SLC25A21: variants seen among roughly 807,000 people sequenced by gnomAD.
The protein encoded by SLC25A21 is mitochondrial 2-oxodicarboxylate carrier.
A neutral mutation model predicts 43.8 loss-of-function variants in SLC25A21; 47 were observed. The observed-to-expected ratio is 1.07, with a 90% CI of 0.85 to 1.37. The LOEUF (loss-of-function observed/expected upper bound fraction) is 1.37, where lower values mean the gene tolerates loss of function less well. SLC25A21 is among the 40% of genes most tolerant of loss of function. The probability of loss-of-function intolerance (pLI) is 0.00; values close to 1 mark genes in which losing one functional copy is unlikely to be tolerated. For missense variants in SLC25A21, 352 were observed against 350.2 expected (o/e 1.00, Z -0.04); for synonymous variants, 131 against 121.3 (o/e 1.08, Z -0.52).
At chr14:36,753,225 T>C (rs965144083) in intron 3 of SLC25A21, among the ~76,000 whole-genome samples, 6 of 152,194 alleles carry the variant, frequency 3.9e-5, no homozygotes, top group Non-Finnish European at 8.8e-5. Flanking sequence ...GCAAATTTTA[T>C]GTTATGTGTA....
At chr14:36,752,112 A>G (rs960558925) in intron 3 of SLC25A21, among the ~76,000 whole-genome samples, 3 of 152,236 alleles carry the variant, frequency 2.0e-5, no homozygotes, top group African/African-American at 7.2e-5. Flanking sequence ...CAGGCAGAAA[A>G]CACATGAATG....
chr14:36,939,042 T>C (rs1333592276), intron 1 of SLC25A21, among the ~76,000 whole-genome samples: 1 of 152,178 alleles, frequency 6.6e-6, no homozygotes, highest in Non-Finnish European at 1.5e-5. Context: ...TTGCTTAAAT[T>C]ATAAATCTGT....
chr14:37,070,564 A>G (rs898641291), intron 1 of SLC25A21, among the ~76,000 whole-genome samples: 1 of 152,162 alleles, frequency 6.6e-6, no homozygotes, highest in Non-Finnish European at 1.5e-5. Flanking sequence ...GAAAAAATAT[A>G]TTTAATGATT....
At chr14:37,063,091 T>C (rs989941785) in intron 1 of SLC25A21, among the ~76,000 whole-genome samples, 2 of 152,116 alleles carry the variant, frequency 1.3e-5, no homozygotes, top group Admixed American at 1.3e-4. Context: ...CCATCGTATC[T>C]CATGAGAACT....
At chr14:37,056,362 C>T (rs551159278) in intron 1 of SLC25A21, among the ~76,000 whole-genome samples, 8 of 151,800 alleles carry the variant, frequency 5.3e-5, no homozygotes, top group South Asian at 4.2e-4. Context: ...AGGTGGCGGG[C>T]GCCTGTAGTC....
At chr14:36,898,485 G>T (rs1479673266) in intron 1 of SLC25A21, among the ~76,000 whole-genome samples, 4 of 152,292 alleles carry the variant, frequency 2.6e-5, no homozygotes, top group Non-Finnish European at 5.9e-5. Context: ...TGCTTCCTGG[G>T]TGAGGTGATG....
intron 1 of SLC25A21, among the ~76,000 whole-genome samples, chr14:37,106,562 A>C (rs982038228): frequency 6.6e-6 from 1 of 152,128 alleles, no homozygotes; most frequent in African/African-American, 2.4e-5. Flanking sequence ...GTTGTTTAAG[A>C]TGTTTATCAA....
At chr14:37,129,600 G>A (rs945011420) in intron 1 of SLC25A21, among the ~76,000 whole-genome samples, 4 of 151,286 alleles carry the variant, frequency 2.6e-5, no homozygotes, top group South Asian at 2.1e-4. Context: ...GTGAACTGCC[G>A]CAGGTCCAAT....
At chr14:36,942,717 G>T (rs1015010683) in intron 1 of SLC25A21, among the ~76,000 whole-genome samples, 13 of 152,084 alleles carry the variant, frequency 8.5e-5, no homozygotes, top group African/African-American at 3.1e-4. Flanking sequence ...TGCCAAAGCT[G>T]GTCACACTAG....
At chr14:36,871,557 C>G (rs1347770061) in intron 2 of SLC25A21, among the ~76,000 whole-genome samples, 1 of 152,150 alleles carries the variant, frequency 6.6e-6, no homozygotes, top group African/African-American at 2.4e-5. Context: ...TTAATTGACA[C>G]AAGGCTTGGA....
chr14:36,914,655 A>G (rs1432524128), intron 1 of SLC25A21, among the ~76,000 whole-genome samples: 2 of 152,192 alleles, frequency 1.3e-5, no homozygotes, highest in African/African-American at 2.4e-5. Flanking sequence ...AGAGAAAAAA[A>G]GGAAACACCT....
intron 2 of SLC25A21, among the ~76,000 whole-genome samples, chr14:36,867,378 T>C (rs1023287944): frequency 3.3e-5 from 5 of 152,204 alleles, no homozygotes; most frequent in African/African-American, 7.2e-5. Flanking sequence ...TATAGAACTA[T>C]TGAGGTAATT....
intron 7 of SLC25A21, among the ~76,000 whole-genome samples, chr14:36,696,610 T>C (rs1485206103): frequency 6.6e-6 from 1 of 152,240 alleles, no homozygotes; most frequent in East Asian, 1.9e-4. Context: ...TATTCAGAGA[T>C]TCAAATTCTT....
At chr14:36,969,521 C>G (rs1263214408) in intron 1 of SLC25A21, among the ~76,000 whole-genome samples, 4 of 152,048 alleles carry the variant, frequency 2.6e-5, no homozygotes, top group African/African-American at 9.7e-5. Flanking sequence ...CAGGGTCTTA[C>G]CCGGTGGCCC....
intron 7 of SLC25A21, among the ~76,000 whole-genome samples, chr14:36,694,831 G>A (rs150526656): frequency 0.015 from 2,357 of 152,224 alleles, 68 homozygotes; most frequent in African/African-American, 0.055. Context: ...TGGGTTGATT[G>A]CAAAAATTTT....
intron 2 of SLC25A21, among the ~76,000 whole-genome samples, chr14:36,870,144 G>A (rs963686970): frequency 4.6e-5 from 7 of 152,180 alleles, no homozygotes; most frequent in African/African-American, 1.7e-4. Context: ...GATCAATAAT[G>A]CGACAGATGT....
intron 1 of SLC25A21, among the ~76,000 whole-genome samples, chr14:37,120,874 T>G (rs1321914596): frequency 6.6e-6 from 1 of 151,982 alleles, no homozygotes; most frequent in African/African-American, 2.4e-5. Context: ...AATGTCCTAA[T>G]TGGTATAAGT....
intron 2 of SLC25A21, among the ~76,000 whole-genome samples, chr14:36,820,511 C>T (rs1393990777): frequency 6.6e-6 from 1 of 152,124 alleles, no homozygotes; most frequent in African/African-American, 2.4e-5. Flanking sequence ...TTTTGAGGAA[C>T]TGAGACACAG....
intron 1 of SLC25A21, among the ~76,000 whole-genome samples, chr14:37,046,982 T>C (rs1353235913): frequency 1.3e-5 from 2 of 152,226 alleles, no homozygotes; most frequent in African/African-American, 2.4e-5. Context: ...TTTTCATAGT[T>C]TGTTTTAGAA....
Sources: allele counts gnomAD v4.1 joint callset (sites outside exome capture counted in the v4.1 genomes callset), GRCh38; gene constraint gnomAD v4.1.1; transcripts MANE v1.5; gene names NCBI Gene and HGNC (gene_info 2026-07-23, HGNC 2026-07-21).